The following SPTBN2 variants were observed in gnomAD, a reference collection of about 807,000 sequenced individuals.
The protein encoded by SPTBN2 is spectrin beta, non-erythrocytic 2, also known as spectrin beta chain, non-erythrocytic 2.
A neutral mutation model predicts 284.2 loss-of-function variants in SPTBN2; 107 were observed. That is an observed-to-expected ratio of 0.38 (90% CI 0.32 to 0.44). The LOEUF (loss-of-function observed/expected upper bound fraction) is 0.44. SPTBN2 is among the 20% of genes least tolerant of loss of function. The pLI, the probability that SPTBN2 is intolerant of heterozygous loss-of-function variation, is 1.00. For missense variants in SPTBN2, 2,569 were observed against 3,287.1 expected (o/e 0.78, Z 5.34); for synonymous variants, 1,289 against 1,354.8 (o/e 0.95, Z 1.07).
At position 66,694,223 on chromosome 11, in the gene SPTBN2, C is replaced by A. The variant is rs1276444223; in HGVS notation, c.4419G>T (p.Leu1473Phe). 1 of 1,613,962 alleles carries A rather than the reference C, an allele frequency of 6.2e-7. No individual in the cohort carries two copies. The highest frequency in any genetic ancestry group is 8.5e-7 in the Non-Finnish European group (1 of 1,180,044). Reference protein sequence around the residue: ...SRAVEEKFRALCQPMRERCRR... With the variant: ...SRAVEEKFRAFCQPMRERCRR... ...GGCAGCGTTCCCGCATGGGCTGGCA[C>A]AAGGCCCTGAACTTCTCCTCCACGG... The change falls in exon 22 of 38, where the codon TTG becomes TTT. Residue 1473 changes from leucine (L) to phenylalanine (F), a missense_variant. Leu to Phe is a conservative substitution (Grantham distance 22). Around this residue, in one of 6 missense-constraint regions of SPTBN2, gnomAD observed 1,130 missense variants for 1,317.3 expected, o/e 0.86. Transcript: ENST00000533211.
Position 66,687,760 on chromosome 11 carries a change from C to T in SPTBN2, c.6501+108G>A, listed in dbSNP as rs1940233561. ...TTCCTGCCCCCAAGCTGCCTGTGAG[C>T]CTCTGCCCTCTCCCATCCCATCCCC... On this transcript the variant is annotated intron_variant, in intron 34 of 37. Coordinates refer to ENST00000533211, the MANE Select transcript of SPTBN2 (RefSeq NM_006946.4). The surrounding 1 kb of genome is among the most constrained non-coding windows in gnomAD (Gnocchi z 5.2). 1.1e-5 allele frequency: 17 copies of T among 1,586,524 alleles called. No individual in the cohort carries two copies. The South Asian group carries it at 1.6e-4, about 14-fold the overall frequency.
Position 66,687,810 on chromosome 11 carries a change from A to G in SPTBN2, c.6501+58T>C. On this transcript the variant is annotated intron_variant, in intron 34 of 37. Transcript: ENST00000533211. The surrounding 1 kb of genome is among the most constrained non-coding windows in gnomAD (Gnocchi z 5.2). ...CAGTACTCCCCCACCCGCACTCACC[A>G]CCCCCTCTGGACCCTTCGCCTCACA... 6.3e-7 allele frequency: 1 copy of G among 1,594,000 alleles called. No individual in the cohort carries two copies. The highest frequency in any genetic ancestry group is 8.6e-7 in the Non-Finnish European group (1 of 1,163,674).
rs1188138804 is a variant in SPTBN2, at chr11:66,683,899, T to TG, written c.*1971dup. ...TTTACAGTTGTATTTGAAGAAAAGATGCTGTGTAGTGCTGATGGATTCTTC... is the reference window on the plus strand; with the variant it reads ...TTTACAGTTGTATTTGAAGAAAAGATGGCTGTGTAGTGCTGATGGATTCTTC... On this transcript the variant is annotated 3_prime_UTR_variant, in exon 38 of 38. Transcript: ENST00000533211. Among the ~76,000 whole-genome samples the TG allele has an allele frequency of 6.6e-6, 1 of 152,250 alleles. No individual in the cohort carries two copies. The highest frequency in any genetic ancestry group is 1.9e-4 in the East Asian group (1 of 5,200).
Position 66,705,214 on chromosome 11 carries a change from C to T in SPTBN2, c.2062G>A (p.Gly688Ser). ...RLLNKHTALR[G>S]EMSGRLGPLK... Reference sequence around the variant, plus strand: ...GGCCCCAGCCGGCCGCTCATCTCGCCCCGCAGGGCTGTGTGCTTGTTGAGC... The same window carrying T: ...GGCCCCAGCCGGCCGCTCATCTCGCTCCGCAGGGCTGTGTGCTTGTTGAGC... Residue 688 changes from glycine to serine, a missense_variant, in exon 15 of 38, where the codon GGC becomes AGC. Coordinates refer to ENST00000533211, the MANE Select transcript of SPTBN2 (RefSeq NM_006946.4). 6.5e-7 allele frequency: 1 copy of T among 1,543,462 alleles called. No homozygotes were observed. Among genetic ancestry groups the T allele is most frequent in the Non-Finnish European group, 8.7e-7 (1 of 1,148,456 alleles).
Position 66,691,255 on chromosome 11 carries a change from TC to T in SPTBN2, c.5565+28del, listed in dbSNP as rs765676712. On this transcript the variant is annotated intron_variant, in intron 27 of 37. Transcript: ENST00000533211. This position sits in a 1 kb window ranked among gnomAD's most constrained non-coding sequence, Gnocchi z 8.0. ...TTTCCCCCATGGCCTCCTCTAAGCC[TC>T]CCCCACCTCCTCATGCTTGGGTCAG... The T allele has an allele frequency of 4.6e-6, 7 of 1,511,908 alleles. No individual in the cohort carries two copies. The South Asian group carries it at 8.0e-5, about 17-fold the overall frequency. The allele number at this position is 1,511,908 out of a possible 1,614,324, so 93.7% of individuals were successfully genotyped here.
At chr11:66,726,554 C>T (rs1383077455) in intron 1 of SPTBN2, among the ~76,000 whole-genome samples, 2 of 152,136 alleles carry the variant, frequency 1.3e-5, no homozygotes, top group African/African-American at 2.4e-5. Context: ...GTGAGTGTGA[C>T]CCAGGGTTAG....
Position 66,694,208 on chromosome 11 carries a change from C to G in SPTBN2, c.4434G>C (p.Arg1478=), listed in dbSNP as rs751118180. The change falls in exon 22 of 38, where the codon CGG becomes CGC. Residue 1478 remains arginine (R), a synonymous_variant. Transcript: ENST00000533211. ...AAGCCTGCAGGCGCCGGCAGCGTTC[C>G]CGCATGGGCTGGCACAAGGCCCTGA... is the stretch of plus-strand genomic sequence containing the variant. ...EKFRALCQPM[R]ERCRRLQASR... is the part of the protein sequence containing the mutation. The G allele has an allele frequency of 1.2e-6, 2 of 1,613,872 alleles. No homozygotes were observed. The highest frequency in any genetic ancestry group is 3.3e-5 in the Admixed American group (2 of 60,036).
Position 66,688,719 on chromosome 11 carries a change from G to T in SPTBN2, c.6165C>A (p.His2055Gln). The T allele has an allele frequency of 1.2e-6, 2 of 1,613,826 alleles. No homozygotes were observed. The highest frequency in any genetic ancestry group is 1.1e-5 in the South Asian group (1 of 91,088). Reference protein sequence around the residue: ...VDEVESLIKRHEAFQKSAVAW... With the variant: ...VDEVESLIKRQEAFQKSAVAW... ...CCACTGCTGACTTCTGGAAGGCCTC[G>T]TGCCGCTTGATGAGGCTCTCAACTT... The change falls in exon 31 of 38, where the codon CAC becomes CAA. Residue 2055 changes from histidine (H) to glutamine (Q), a missense_variant. His to Gln is a conservative substitution (Grantham distance 24). Coordinates refer to ENST00000533211, the MANE Select transcript of SPTBN2 (RefSeq NM_006946.4).
Position 66,707,843 on chromosome 11 carries a change from G to A in SPTBN2, c.1351-25C>T. ...CCTGTGTCGGGGGCAGGGAGAGGAG[G>A]TGTGGGGACCAAGGGACAGTGCCTC... is the stretch of plus-strand genomic sequence containing the variant. On this transcript the variant is annotated intron_variant, in intron 12 of 37. Coordinates refer to ENST00000533211, the MANE Select transcript of SPTBN2 (RefSeq NM_006946.4). The surrounding 1 kb of genome is among the most constrained non-coding windows in gnomAD (Gnocchi z 4.9). 1.9e-6 allele frequency: 3 copies of A among 1,604,858 alleles called. No homozygotes were observed. Among genetic ancestry groups the A allele is most frequent in the East Asian group, 2.2e-5 (1 of 44,866 alleles).
chr11:66,712,546 CAA>C (rs529073727), intron 8 of SPTBN2, among the ~76,000 whole-genome samples: 5 of 126,462 alleles, frequency 4.0e-5, no homozygotes, highest in Non-Finnish European at 3.4e-5. Flanking sequence ...GACTCCGTCT[CAA>C]AAAAAAAAAA....
At chr11:66,702,869 C>T (rs1357236785) in intron 15 of SPTBN2, among the ~76,000 whole-genome samples, 2 of 126,306 alleles carry the variant, frequency 1.6e-5, no homozygotes, top group Non-Finnish European at 3.2e-5. Flanking sequence ...ACCCGGGCGG[C>T]GGAGCTTGCA....
rs1336283054 is a variant in SPTBN2, at chr11:66,725,885, C to G, written c.-114+2856G>C. The stretch of plus-strand genomic sequence containing the variant: ...CCTGGGCTACAGGCTGCCTTGTATC[C>G]TAATTCTTCCTCTCACCACATCCTG... On this transcript the variant is annotated intron_variant, in intron 1 of 37. Transcript: ENST00000533211. Among the ~76,000 whole-genome samples the G allele has an allele frequency of 5.3e-5, 8 of 152,286 alleles. No individual in the cohort carries two copies. In the East Asian group the frequency reaches 1.5e-3, roughly 29 times the overall value.
intron 36 of SPTBN2, 24 bp downstream of exon 36, chr11:66,686,970 G>C: frequency 6.2e-7 from 1 of 1,613,288 alleles, no homozygotes; most frequent in Non-Finnish European, 8.5e-7. Flanking sequence ...CTCCCATCCC[G>C]AGAGCACTGT....
rs752861749 is a variant in SPTBN2 at position 66,691,676 on chromosome 11, T to C, written c.5191-18A>G. The C allele has an allele frequency of 4.3e-6, 7 of 1,613,160 alleles. No individual in the cohort carries two copies. The East Asian group carries it at 1.6e-4, about 36-fold the overall frequency. On this transcript the variant is annotated intron_variant, in intron 26 of 37. Coordinates refer to ENST00000533211, the MANE Select transcript of SPTBN2 (RefSeq NM_006946.4). The surrounding 1 kb of genome is among the most constrained non-coding windows in gnomAD (Gnocchi z 8.0). Reference sequence around the variant, plus strand: ...CGGAGCATCTGGTAGAGGAAGCAGATGGACAGACCATGCCGTGATGTTAGG... The same window carrying C: ...CGGAGCATCTGGTAGAGGAAGCAGACGGACAGACCATGCCGTGATGTTAGG...
rs537878311 is a variant in SPTBN2 at position 66,711,500 on chromosome 11, A to G, written c.773-471T>C. 8.4e-3 allele frequency among the ~76,000 whole-genome samples: 1,285 copies of G among 152,314 alleles called. 16 individuals carry two copies. The highest frequency in any genetic ancestry group is 9.0e-3 in the Non-Finnish European group (615 of 68,026). On this transcript the variant is annotated intron_variant, in intron 8 of 37. Transcript: ENST00000533211. ...GTGATCCCTGCAGCTCAGTGGGGAC[A>G]GAGGCCAGCTCTCAGCACCATCTCC... is the stretch of plus-strand genomic sequence containing the variant.
chr11:66,719,982 G>A (rs1376528360), intron 3 of SPTBN2, among the ~76,000 whole-genome samples: 3 of 152,212 alleles, frequency 2.0e-5, no homozygotes, highest in Non-Finnish European at 4.4e-5. Context: ...AGCTATGGCT[G>A]CCACAAGGGG....
rs1941674340 is a variant in SPTBN2 at position 66,708,254 on chromosome 11, G to A, written c.1237C>T (p.Leu413=). Residue 413 remains leucine (L), a synonymous_variant, in exon 12 of 38, where the codon CTG becomes TTG. Transcript: ENST00000533211. This position sits in a 1 kb window ranked among gnomAD's most constrained non-coding sequence, Gnocchi z 4.4. ...TCCTGGCGGATGAGCTCGGTGCGCAGGGCCAGCTCACGCTCGTGCTCCGCC... is the reference window on the plus strand; with the variant it reads ...TCCTGGCGGATGAGCTCGGTGCGCAAGGCCAGCTCACGCTCGTGCTCCGCC... The part of the protein sequence containing the change: ...EKAEHERELA[L]RTELIRQEKL... 9 of 1,608,640 alleles carry A rather than the reference G, an allele frequency of 5.6e-6. No homozygotes were observed. The highest frequency in any genetic ancestry group is 7.6e-6 in the Non-Finnish European group (9 of 1,176,906).
intron 37 of SPTBN2, 121 bp downstream of exon 37, chr11:66,686,277 A>C: frequency 6.8e-7 from 1 of 1,460,714 alleles, no homozygotes; most frequent in Non-Finnish European, 9.6e-7. Flanking sequence ...CGTCGCACAC[A>C]TCCAGTCTTA....
intron 8 of SPTBN2, 76 bp downstream of exon 8, chr11:66,713,555 C>T (rs578236765): frequency 8.4e-4 from 968 of 1,150,752 alleles, no homozygotes; most frequent in Middle Eastern, 2.0e-3. Flanking sequence ...TCTTCCCCCT[C>T]CGCAGCCCCT....
Sources: gnomAD v4.1 joint callset for allele counts (sites outside exome capture counted in the v4.1 genomes callset) on GRCh38, gnomAD v4.1.1 for gene constraint, gnomAD v4.1.1 regional missense constraint, Gnocchi (gnomAD v3.1) non-coding constraint, MANE v1.5 for transcripts, NCBI Gene and HGNC (gene_info 2026-07-23, HGNC 2026-07-21) for gene names.